The following TLL1 variants were observed in gnomAD, a reference collection of about 807,000 sequenced individuals.
TLL1 encodes the protein tolloid like 1, also known as tolloid-like protein 1.
A neutral mutation model predicts 128.2 loss-of-function variants in TLL1; 49 were observed. That is an observed-to-expected ratio of 0.38 (90% CI 0.30 to 0.48). TLL1 has a LOEUF of 0.48. Ranked by LOEUF, TLL1 falls within the 20% of genes least tolerant of loss-of-function variation. TLL1 has a pLI of 0.96. For missense variants in TLL1, 1,123 were observed against 1,242.0 expected, an observed-to-expected ratio of 0.90 and a Z score of 1.44; for synonymous variants, 454 against 418.8, an observed-to-expected ratio of 1.08 and a Z score of -1.03.
Position 166,014,553 on chromosome 4 carries a change from ATG to A in TLL1, c.1037_1038del (p.Cys346SerfsTer54), listed in dbSNP as rs1737849018. On this transcript the variant is annotated frameshift_variant, in exon 8 of 21. Coordinates refer to ENST00000061240, the MANE Select transcript of TLL1 (RefSeq NM_012464.5). LOFTEE classifies it high-confidence loss of function. ...DIAQARKLYRCPACGETLQES... is the reference protein window; with the variant it reads ...DIAQARKLYRXPACGETLQES... ...TCGCACAGGCAAGAAAGCTGTATAG[ATG>A]TCCAGGTATTGCACTACACAAACAC... 6.2e-7 allele frequency: 1 copy of A among 1,611,726 alleles called. No individual in the cohort carries two copies.
At chr4:166,005,251 A>G (rs1737364898) in intron 6 of TLL1, among the ~76,000 whole-genome samples, 1 of 152,000 alleles carries the variant, frequency 6.6e-6, no homozygotes, top group African/African-American at 2.4e-5. Flanking sequence ...TGAATTTAAA[A>G]AGCCTTTGTA....
intron 1 of TLL1, among the ~76,000 whole-genome samples, chr4:165,931,846 C>T (rs2110907269): frequency 6.6e-6 from 1 of 152,306 alleles, no homozygotes; most frequent in East Asian, 1.9e-4. Flanking sequence ...AAGACAAATT[C>T]TTAGCAGGTG....
chr4:165,880,457 A>G (rs1730924428), intron 1 of TLL1, among the ~76,000 whole-genome samples: 1 of 152,240 alleles, frequency 6.6e-6, no homozygotes, highest in Non-Finnish European at 1.5e-5. Context: ...ATTTTTTAAA[A>G]GAACTTCTTT....
chr4:165,977,266 G>A (rs1469531282), intron 1 of TLL1, among the ~76,000 whole-genome samples: 1 of 152,080 alleles, frequency 6.6e-6, no homozygotes, highest in African/African-American at 2.4e-5. Flanking sequence ...CATGCTGAAA[G>A]TTTACTGAGT....
chr4:166,022,351 A>C (rs1461107293), intron 8 of TLL1, among the ~76,000 whole-genome samples: 3 of 152,020 alleles, frequency 2.0e-5, no homozygotes, highest in African/African-American at 7.2e-5. Flanking sequence ...TTTTTAGTAG[A>C]GACGGGGTTT....
chr4:166,017,109 T>C (rs1029811127), intron 8 of TLL1, among the ~76,000 whole-genome samples: 1 of 152,078 alleles, frequency 6.6e-6, no homozygotes, highest in Non-Finnish European at 1.5e-5. Context: ...CCTCTAGTAG[T>C]CCATACTGTC....
chr4:166,073,878 A>G (rs1441142985), intron 16 of TLL1, among the ~76,000 whole-genome samples: 1 of 152,086 alleles, frequency 6.6e-6, no homozygotes. Flanking sequence ...GAGAGTAACA[A>G]TTTGAATTCA....
At chr4:166,006,674 T>A (rs75440541) in intron 6 of TLL1, among the ~76,000 whole-genome samples, 2,041 of 151,834 alleles carry the variant, frequency 0.013, 44 homozygotes, top group African/African-American at 0.047. Context: ...AGAATGGTTG[T>A]AACATAAATA....
rs767566838 is a variant in TLL1, at chr4:166,100,785, A to G, written c.2951A>G (p.His984Arg). 39 of 1,613,014 alleles carry G rather than the reference A, an allele frequency of 2.4e-5. No individual in the cohort carries two copies. The highest frequency in any genetic ancestry group is 3.0e-5 in the Non-Finnish European group (35 of 1,179,400). ...TCAATTGGAGATTCAGTTTTAATTC[A>G]TTTCCACACTGATGACACAATCAAC... is the stretch of plus-strand genomic sequence containing the variant. ...IYSIGDSVLI[H>R]FHTDDTINKK... The change falls in exon 21 of 21, where the codon CAT becomes CGT. Residue 984 changes from histidine to arginine, a missense_variant. His to Arg is a conservative substitution (Grantham distance 29, BLOSUM62 0). Coordinates refer to ENST00000061240, the MANE Select transcript of TLL1 (RefSeq NM_012464.5).
intron 19 of TLL1, among the ~76,000 whole-genome samples, chr4:166,093,355 A>T (rs893446445): frequency 2.6e-5 from 4 of 152,170 alleles, no homozygotes; most frequent in African/African-American, 4.8e-5. Flanking sequence ...GTCACAATTA[A>T]GTTCAAGGGG....
chr4:166,047,407 GC>G (rs1215639346), intron 12 of TLL1, among the ~76,000 whole-genome samples: 1 of 151,012 alleles, frequency 6.6e-6, no homozygotes, highest in East Asian at 1.9e-4. Flanking sequence ...TTCGTGATCT[GC>G]CCTCCTTGGC....
At chr4:165,900,761 T>A (rs1307340722) in intron 1 of TLL1, among the ~76,000 whole-genome samples, 2 of 152,218 alleles carry the variant, frequency 1.3e-5, no homozygotes. Flanking sequence ...TCTCTGTATT[T>A]CCTGAATTTG....
intron 1 of TLL1, chr4:165,919,697 C>T: frequency 2.5e-6 from 1 of 403,986 alleles, no homozygotes; most frequent in Admixed American, 2.7e-5. Flanking sequence ...AGGCTTTCAT[C>T]CCCATTTCTT....
chr4:165,945,513 G>T (rs79393470), intron 1 of TLL1, among the ~76,000 whole-genome samples: 1,533 of 152,214 alleles, frequency 0.01, 28 homozygotes, highest in African/African-American at 0.035. Context: ...ACATCATAGT[G>T]AGAGAGGGTA....
At chr4:166,087,509 G>A (rs1741578560) in intron 18 of TLL1, among the ~76,000 whole-genome samples, 1 of 152,094 alleles carries the variant, frequency 6.6e-6, no homozygotes, top group African/African-American at 2.4e-5. Flanking sequence ...AACAGGATAA[G>A]GTGAAAGATG....
rs1311111613 is a variant in TLL1 at position 165,958,333 on chromosome 4, T to C, written c.170-31048T>C. Among the ~76,000 whole-genome samples, 6 of 110,052 alleles carry C rather than the reference T, an allele frequency of 5.5e-5. No individual in the cohort carries two copies. The Admixed American group carries it at 5.8e-4, about 11-fold the overall frequency. The allele number at this position is 110,052 out of a possible 152,430, so 72.2% of individuals were successfully genotyped here. On this transcript the variant is annotated intron_variant, in intron 1 of 20. Transcript: ENST00000061240. The stretch of plus-strand genomic sequence containing the variant: ...CTAGTTTACAGTCCCACCAACAGTG[T>C]AAAAGTGTTCCTATTTCTCCACATC...
intron 13 of TLL1, among the ~76,000 whole-genome samples, chr4:166,056,818 T>C (rs950819995): frequency 3.3e-5 from 5 of 152,154 alleles, no homozygotes; most frequent in African/African-American, 4.8e-5. Flanking sequence ...TGTGGGTTTT[T>C]TGACAATGCT....
intron 1 of TLL1, among the ~76,000 whole-genome samples, chr4:165,876,976 T>C (rs879713650): frequency 6.6e-6 from 1 of 152,226 alleles, no homozygotes; most frequent in Non-Finnish European, 1.5e-5. Flanking sequence ...GGATTACTAC[T>C]GTTAGGAATT....
chr4:165,976,035 A>AAAG (rs1491402445), intron 1 of TLL1, among the ~76,000 whole-genome samples: 1 of 24,664 alleles, frequency 4.1e-5, no homozygotes, highest in Non-Finnish European at 8.4e-5. Flanking sequence ...ATTCCATCTC[A>AAAG]AAAAAAAAAA....
Sources: gnomAD v4.1 joint callset for allele counts (sites outside exome capture counted in the v4.1 genomes callset) on GRCh38, gnomAD v4.1.1 for gene constraint, MANE v1.5 for transcripts, NCBI Gene and HGNC (gene_info 2026-07-23, HGNC 2026-07-21) for gene names.